COG6: variants seen among roughly 807,000 people sequenced by gnomAD.
COG6 encodes the protein component of oligomeric golgi complex 6.
Under a neutral mutation model 88.8 loss-of-function variants are expected in COG6, and 74 were observed. That is an observed-to-expected ratio of 0.83 (90% CI 0.69 to 1.01). The LOEUF is 1.01. COG6 is among the 50% of genes least tolerant of loss of function. The pLI is 0.00. For synonymous variants in COG6, 286 were observed against 278.7 expected (o/e 1.03, Z -0.26); for missense variants, 800 against 797.9 (o/e 1.00, Z -0.03).
intron 18 of COG6, among the ~76,000 whole-genome samples, chr13:39,732,008 C>G (rs1879478431): frequency 1.3e-5 from 2 of 152,104 alleles, no homozygotes; most frequent in Non-Finnish European, 2.9e-5. Context: ...AGAAAAAGAG[C>G]AATTTGCTGT....
chr13:39,780,933 T>C (rs1308298586), intron 18 of COG6, among the ~76,000 whole-genome samples: 1 of 152,176 alleles, frequency 6.6e-6, no homozygotes, highest in Admixed American at 6.5e-5. Flanking sequence ...TGGCCTCAAA[T>C]TAGTCTAGGA....
intron 18 of COG6, among the ~76,000 whole-genome samples, chr13:39,767,754 A>G (rs1224672893): frequency 1.3e-5 from 2 of 152,220 alleles, no homozygotes; most frequent in African/African-American, 2.4e-5. Context: ...ACTCAGGCCA[A>G]CAGCCTCAAC....
At chr13:39,773,993 T>G (rs866093251) in intron 18 of COG6, among the ~76,000 whole-genome samples, 2 of 151,964 alleles carry the variant, frequency 1.3e-5, no homozygotes, top group South Asian at 2.1e-4. Flanking sequence ...GTATGTGGTG[T>G]GGGCTGACTG....
Position 39,723,477 on chromosome 13 carries a change from A to G in COG6, c.1692+37A>G, listed in dbSNP as rs7985638. 4.9e-3 allele frequency: 5,830 copies of G among 1,197,008 alleles called. 188 individuals carry two copies. In the African/African-American group the frequency reaches 0.074, roughly 15 times the overall value. 74.1% of individuals were successfully genotyped at this position (1,197,008 alleles called of 1,614,324 possible). On this transcript the variant is annotated intron_variant, in intron 16 of 18. Coordinates refer to ENST00000455146, the MANE Select transcript of COG6 (RefSeq NM_020751.3). ...GATGTTCCTTCCTAATTCTAAGAAC[A>G]TGCCAGTTTAGAGTATGTCTTCTAG...
chr13:39,677,873 A>G (rs1876067528), intron 5 of COG6, among the ~76,000 whole-genome samples: 1 of 152,250 alleles, frequency 6.6e-6, no homozygotes, highest in South Asian at 2.1e-4. Flanking sequence ...TGTAAATTCT[A>G]TATTCTAGAT....
rs1167927827 is a variant in COG6, at chr13:39,751,846, G to A, written c.*753G>A. The A allele has an allele frequency of 4.7e-6, 6 of 1,287,128 alleles. No individual in the cohort carries two copies. Among genetic ancestry groups the A allele is most frequent in the East Asian group, 5.5e-5 (1 of 18,020 alleles). The allele number at this position is 1,287,128 out of a possible 1,614,324, so 79.7% of individuals were successfully genotyped here. A position where few individuals can be genotyped will look rare whatever the true frequency, so the allele number is the denominator to read the frequency against. ...GCTCAGCCTTTCCAATGAGCTCTAA[G>A]CATGTAGATAGCCTGAGCTGTGTCT... On this transcript the variant is annotated 3_prime_UTR_variant, in exon 19 of 19. Coordinates refer to ENST00000455146, the MANE Select transcript of COG6 (RefSeq NM_020751.3).
In COG6 at chr13:39,694,644, A is replaced by T; in HGVS notation, c.1085A>T (p.Glu362Val). 6.3e-7 allele frequency: 1 copy of T among 1,590,756 alleles called. No individual in the cohort carries two copies. Among genetic ancestry groups the T allele is most frequent in the South Asian group, 1.1e-5 (1 of 89,994 alleles). ...CACATATTTTAATAGGTTCGAATTG[A>T]GCAAGTAATAGTTGCTGAACCTGGG... is the stretch of plus-strand genomic sequence containing the variant. Reference protein sequence around the residue: ...GVCRPLKVRIEQVIVAEPGAV... With the variant: ...GVCRPLKVRIVQVIVAEPGAV... Residue 362 changes from glutamate to valine, a missense_variant, in exon 12 of 19, where the codon GAG becomes GTG. Physicochemically the swap from Glu to Val is moderately radical, Grantham distance 121. Transcript: ENST00000455146.
downstream of COG6, among the ~76,000 whole-genome samples, chr13:39,756,993 T>C (rs991369278): frequency 3.3e-5 from 5 of 152,138 alleles, no homozygotes; most frequent in Non-Finnish European, 1.5e-5. Flanking sequence ...CTAGATCCCA[T>C]AGACATCAGT....
intron 18 of COG6, among the ~76,000 whole-genome samples, chr13:39,765,798 G>A (rs1225018048): frequency 1.3e-5 from 2 of 152,066 alleles, no homozygotes; most frequent in Admixed American, 6.6e-5. Context: ...TTTGGTGGTC[G>A]GCAAAGGAAT....
Position 39,751,388 on chromosome 13 carries a change from A to G in COG6, c.*295A>G. 7.4e-7 allele frequency: 1 copy of G among 1,358,090 alleles called. No homozygotes were observed. Among genetic ancestry groups the G allele is most frequent in the Middle Eastern group, 2.9e-4 (1 of 3,490 alleles). The allele number at this position is 1,358,090 out of a possible 1,614,324, so 84.1% of individuals were successfully genotyped here. The stretch of plus-strand genomic sequence containing the variant: ...TTCAGGAAGCATAAAGTAGTATGAA[A>G]GGTTTGAAGAATTTTTTTTTACAAG... On this transcript the variant is annotated 3_prime_UTR_variant, in exon 19 of 19. Transcript: ENST00000455146.
At chr13:39,789,469 C>T (rs1425276524) in exon 19 of COG6, 1 of 152,184 alleles carries the variant, frequency 6.6e-6, no homozygotes, top group Non-Finnish European at 1.5e-5. Flanking sequence ...CATAAAGCAA[C>T]CTTTTGCGAT....
intron 14 of COG6, 127 bp from the exon 15 acceptor site, chr13:39,719,533 G>A: frequency 8.4e-7 from 1 of 1,193,230 alleles, no homozygotes; most frequent in Middle Eastern, 2.4e-4. Flanking sequence ...ATTGATTTAT[G>A]TTTAATCTTT....
At chr13:39,662,858 C>T (rs9532414) in intron 3 of COG6, among the ~76,000 whole-genome samples, 62,692 of 151,730 alleles carry the variant, frequency 0.41, 13,245 homozygotes, top group Admixed American at 0.56. Flanking sequence ...ATAATATCAA[C>T]TCTAATGTTT....
Position 39,662,915 on chromosome 13 carries a change from C to A in COG6, c.369+2034C>A, listed in dbSNP as rs560356244. On this transcript the variant is annotated intron_variant, in intron 3 of 18. Transcript: ENST00000455146. ...GTGTTTCTTAGAGTATCCTCACTTT[C>A]CCTTTTTCTTATAGAATGTTGTTAT... is the stretch of plus-strand genomic sequence containing the variant. 7.1e-4 allele frequency among the ~76,000 whole-genome samples: 108 copies of A among 151,828 alleles called. 1 individual carries two copies. The highest frequency in any genetic ancestry group is 4.3e-3 in the Admixed American group (65 of 15,244).
Position 39,676,038 on chromosome 13 carries a change from G to A in COG6, c.429-1430G>A, listed in dbSNP as rs1301888123. 3.9e-5 allele frequency among the ~76,000 whole-genome samples: 6 copies of A among 152,000 alleles called. No homozygotes were observed. In the East Asian group the frequency reaches 1.2e-3, roughly 29 times the overall value. On this transcript the variant is annotated intron_variant, in intron 4 of 18. Coordinates refer to ENST00000455146, the MANE Select transcript of COG6 (RefSeq NM_020751.3). ...TAAACATTTATCATTTCTTTGTGGT[G>A]ACAATATTCAAACTCTTCGCTATCT...
intron 18 of COG6, among the ~76,000 whole-genome samples, chr13:39,783,158 A>G (rs1289300349): frequency 6.6e-6 from 1 of 152,218 alleles, no homozygotes; most frequent in Non-Finnish European, 1.5e-5. Flanking sequence ...CATATTTTTA[A>G]TGATGATCCT....
rs75755043 is a variant in COG6, at chr13:39,786,396, C to G, written c.1827-1939C>G. 4.6e-5 allele frequency among the ~76,000 whole-genome samples: 7 copies of G among 152,204 alleles called. No individual in the cohort carries two copies. In the East Asian group the frequency reaches 1.4e-3, roughly 29 times the overall value. ...GAGTGGAAGGAGAATAGTGGATGCC[C>G]GGACAAGGGCATGTGGTTCTAGGTG... On this transcript the variant is annotated intron_variant, in intron 18 of 18. Transcript: ENST00000416691.
At chr13:39,789,172 AC>A (rs1881863969) in exon 19 of COG6, 1 of 152,196 alleles carries the variant, frequency 6.6e-6, no homozygotes, top group Admixed American at 6.6e-5. Flanking sequence ...ATAGCACACT[AC>A]ACACAAAGTT....
intron 18 of COG6, among the ~76,000 whole-genome samples, chr13:39,772,590 T>G (rs963646492): frequency 6.6e-6 from 1 of 152,232 alleles, no homozygotes; most frequent in South Asian, 2.1e-4. Flanking sequence ...ACACCTGACA[T>G]AGGCTTTCCT....
Sources: allele counts gnomAD v4.1 joint callset (sites outside exome capture counted in the v4.1 genomes callset), GRCh38; gene constraint gnomAD v4.1.1; transcripts MANE v1.5; gene names NCBI Gene and HGNC (gene_info 2026-07-23, HGNC 2026-07-21).